EGR2: variants seen among roughly 807,000 people sequenced by gnomAD.
EGR2 encodes E3 SUMO-protein ligase EGR2.
In EGR2, 2 loss-of-function variants were observed where a neutral mutation model predicts 21.2. The ratio of observed to expected loss-of-function variants is 0.09; its 90% confidence interval spans 0.04 to 0.30. The LOEUF (loss-of-function observed/expected upper bound fraction) is 0.30. Ranked by LOEUF, EGR2 falls within the 10% of genes least tolerant of loss-of-function variation. EGR2 has a pLI of 1.00. For missense variants in EGR2, 458 were observed against 630.2 expected (o/e 0.73, Z 2.93); for synonymous variants, 282 against 258.2 (o/e 1.09, Z -0.88).
upstream of EGR2, chr10:62,818,431 C>T: frequency 2.8e-6 from 1 of 362,432 alleles, no homozygotes; most frequent in South Asian, 4.8e-5. Flanking sequence ...GAAATCGCAG[C>T]AAGGTTAGCA....
At position 62,815,915 on chromosome 10, in the gene EGR2, A is replaced by G. The variant is rs369477396; in HGVS notation, c.115T>C (p.Phe39Leu). 1.9e-6 allele frequency: 3 copies of G among 1,614,194 alleles called. No homozygotes were observed. The highest frequency in any genetic ancestry group is 2.5e-6 in the Non-Finnish European group (3 of 1,180,002). ...EDLAATSVTI[F>L]PNAELGGPFD... ...GGGCCTCCCAGTTCGGCATTGGGAAAGATGGTCACCGACGTGGCGGCGAGG... is the reference window on the plus strand; with the variant it reads ...GGGCCTCCCAGTTCGGCATTGGGAAGGATGGTCACCGACGTGGCGGCGAGG... The change falls in exon 1 of 2, where the codon TTT becomes CTT. Residue 39 changes from phenylalanine to leucine, a missense_variant. Transcript: ENST00000242480.
chr10:62,813,075 A>T lies in EGR2; in HGVS notation c.*132T>A. 2 of 1,020,888 alleles carry T rather than the reference A, an allele frequency of 2.0e-6. No homozygotes were observed. The highest frequency in any genetic ancestry group is 2.8e-6 in the Non-Finnish European group (2 of 706,010). The allele number at this position is 1,020,888 out of a possible 1,614,324, so 63.2% of individuals were successfully genotyped here. ...TTCTAGGTGGAAAGGGGGCAGTGCT[A>T]GCTCCACCAAAGCCCTTTGCCCAAC... On this transcript the variant is annotated 3_prime_UTR_variant, in exon 2 of 2. Transcript: ENST00000242480. The surrounding 1 kb of genome is among the most constrained non-coding windows in gnomAD (Gnocchi z 5.7).
At chr10:62,815,312 C>T (rs968100532) in intron 1 of EGR2, among the ~76,000 whole-genome samples, 3 of 152,246 alleles carry the variant, frequency 2.0e-5, no homozygotes, top group Non-Finnish European at 4.4e-5. Context: ...GAGCCCCCGC[C>T]TTACTAACCC....
At chr10:62,815,700 C>T (rs1589082780) in intron 1 of EGR2, among the ~76,000 whole-genome samples, 161 bp downstream of exon 1, 1 of 152,250 alleles carries the variant, frequency 6.6e-6, no homozygotes, top group Admixed American at 6.5e-5. Context: ...TCTCAGCTGT[C>T]GCAGGTTCCT....
In EGR2 at chr10:62,814,575, A is replaced by T. The variant is rs1393291703; in HGVS notation, c.170-107T>A. 10 of 1,128,578 alleles carry T rather than the reference A, an allele frequency of 8.9e-6. No individual in the cohort carries two copies. Among genetic ancestry groups the T allele is most frequent in the Admixed American group, 7.4e-5 (4 of 54,212 alleles). The allele number at this position is 1,128,578 out of a possible 1,614,324, so 69.9% of individuals were successfully genotyped here. A position where few individuals can be genotyped will look rare whatever the true frequency, so the allele number is the denominator to read the frequency against. On this transcript the variant is annotated intron_variant, in intron 1 of 1. Transcript: ENST00000242480. The surrounding 1 kb of genome is among the most constrained non-coding windows in gnomAD (Gnocchi z 4.8). ...CATTTCCAAGGCCGAGAGTCTCAGC[A>T]CTGTAGAGCTGTGGCAAAGTCCAAA...
intron 1 of EGR2, 31 bp downstream of exon 1, chr10:62,815,830 A>G (rs1425842542): frequency 6.2e-7 from 1 of 1,613,140 alleles, no homozygotes; most frequent in East Asian, 2.2e-5. Context: ...CGGGCCGCGC[A>G]GGTCCGGGCC....
At position 62,814,326 on chromosome 10, in the gene EGR2, A is replaced by C. The variant is rs1333339143; in HGVS notation, c.312T>G (p.Gly104=). ...GKFSIDPQYP[G]ASCYPEGIIN... ...TTATGCCTTCTGGGTAGCAGCTGGC[A>C]CCAGGGTACTGAGGGTCAATGGAGA... Residue 104 remains glycine (G), a synonymous_variant, in exon 2 of 2, where the codon GGT becomes GGG. Transcript: ENST00000242480. This position sits in a 1 kb window ranked among gnomAD's most constrained non-coding sequence, Gnocchi z 4.8. 1 of 1,614,150 alleles carries C rather than the reference A, an allele frequency of 6.2e-7. No homozygotes were observed. The highest frequency in any genetic ancestry group is 1.7e-5 in the Admixed American group (1 of 60,026).
Position 62,813,703 on chromosome 10 carries a change from G to C in EGR2, c.935C>G (p.Pro312Arg). 1.9e-6 allele frequency: 3 copies of C among 1,613,106 alleles called. No homozygotes were observed. The highest frequency in any genetic ancestry group is 2.5e-6 in the Non-Finnish European group (3 of 1,179,922). ...AATGGGCCGCAGTGGCAGGTGGTGT[G>C]GGTTATAGGCGGCGGCGGCGGCGGC... ...AAAAAAAAYN[P>R]HHLPLRPILR... The change falls in exon 2 of 2, where the codon CCA becomes CGA. Residue 312 changes from proline to arginine, a missense_variant. Physicochemically the swap from Pro to Arg is moderately radical, Grantham distance 103. This residue lies in a region of EGR2 where 253 missense variants were observed against 315.5 expected (regional missense o/e 0.80). Coordinates refer to ENST00000242480, the MANE Select transcript of EGR2 (RefSeq NM_000399.5). This position sits in a 1 kb window ranked among gnomAD's most constrained non-coding sequence, Gnocchi z 5.7.
rs1842162935 is a variant in EGR2 at position 62,813,378 on chromosome 10, G to A, written c.1260C>T (p.His420=). Residue 420 remains histidine (H), a synonymous_variant, in exon 2 of 2, where the codon CAC becomes CAT. Transcript: ENST00000242480. This position sits in a 1 kb window ranked among gnomAD's most constrained non-coding sequence, Gnocchi z 5.7. ...TGCTTTTCCGCTCTTTCTGTCTCAG[G>A]TGGATCTTGGTGTGGCGCTTCCTCT... ...SDERKRHTKI[H]LRQKERKSSA... 1.2e-6 allele frequency: 2 copies of A among 1,610,832 alleles called. No homozygotes were observed. The highest frequency in any genetic ancestry group is 1.7e-6 in the Non-Finnish European group (2 of 1,177,396).
In EGR2 at chr10:62,813,660, G is replaced by A. The variant is rs1322557260; in HGVS notation, c.978C>T (p.Tyr326=). 6 of 1,613,222 alleles carry A rather than the reference G, an allele frequency of 3.7e-6. No homozygotes were observed. Among genetic ancestry groups the A allele is most frequent in the Admixed American group, 1.7e-5 (1 of 60,014 alleles). The change falls in exon 2 of 2, where the codon TAC becomes TAT. Residue 326 remains tyrosine, a synonymous_variant. Transcript: ENST00000242480. This position sits in a 1 kb window ranked among gnomAD's most constrained non-coding sequence, Gnocchi z 5.7. ...CCGGCGTCTTGCTGGGTCTGTTGGG[G>A]TACTTGCGAGGCCTCAGAATGGGCC... ...PLRPILRPRK[Y]PNRPSKTPVH... is the part of the protein sequence containing the mutation.
Position 62,813,968 on chromosome 10 carries a change from G to T in EGR2, c.670C>A (p.Pro224Thr), listed in dbSNP as rs758869303. Residue 224 changes from proline (P) to threonine (T), a missense_variant, in exon 2 of 2, where the codon CCA (proline) becomes ACA (threonine). Coordinates refer to ENST00000242480, the MANE Select transcript of EGR2 (RefSeq NM_000399.5). This position sits in a 1 kb window ranked among gnomAD's most constrained non-coding sequence, Gnocchi z 5.7. ...ATDPGLFPMI[P>T]DYPGFFPSQC... The stretch of plus-strand genomic sequence containing the variant: ...GATGGAAAGAATCCAGGATAGTCTG[G>T]GATCATTGGGAAGAGACCTGGGTCC... 3.6e-5 allele frequency: 58 copies of T among 1,614,092 alleles called. No individual in the cohort carries two copies. The highest frequency in any genetic ancestry group is 4.5e-5 in the Non-Finnish European group (53 of 1,180,048).
Position 62,813,710 on chromosome 10 carries a change from AGGC to A in EGR2, c.925_927del (p.Ala309del), listed in dbSNP as rs753747037. On this transcript the variant is annotated inframe_deletion, in exon 2 of 2. Coordinates refer to ENST00000242480, the MANE Select transcript of EGR2 (RefSeq NM_000399.5). This position sits in a 1 kb window ranked among gnomAD's most constrained non-coding sequence, Gnocchi z 5.7. ...CGCAGTGGCAGGTGGTGTGGGTTAT[AGGC>A]GGCGGCGGCGGCGGCTGCTGCTGCT... The A allele has an allele frequency of 6.1e-5, 98 of 1,611,336 alleles. No homozygotes were observed. Among genetic ancestry groups the A allele is most frequent in the African/African-American group, 1.3e-4 (10 of 74,868 alleles).
upstream of EGR2, chr10:62,819,087 G>A (rs1041597277): frequency 1.3e-5 from 2 of 152,448 alleles, no homozygotes; most frequent in African/African-American, 4.8e-5. Context: ...GCACATTAGA[G>A]TAAATGAGAG....
In EGR2 at chr10:62,813,938, A is replaced by C. The variant is rs763792577; in HGVS notation, c.700T>G (p.Cys234Gly). The C allele has an allele frequency of 6.2e-7, 1 of 1,614,166 alleles. No homozygotes were observed. Among genetic ancestry groups the C allele is most frequent in the East Asian group, 2.2e-5 (1 of 44,872 alleles). Reference protein sequence around the residue: ...PDYPGFFPSQCQRDLHGTAGP... With the variant: ...PDYPGFFPSQGQRDLHGTAGP... ...GCTGTACCATGTAGGTCTCTCTGGC[A>C]CTGAGATGGAAAGAATCCAGGATAG... Residue 234 changes from cysteine (C) to glycine (G), a missense_variant, in exon 2 of 2, where the codon TGC becomes GGC. Physicochemically the swap from Cys to Gly is radical, Grantham distance 159. Around this residue, in one of 5 missense-constraint regions of EGR2, gnomAD observed 253 missense variants for 315.5 expected, o/e 0.80. Transcript: ENST00000242480. The surrounding 1 kb of genome is among the most constrained non-coding windows in gnomAD (Gnocchi z 5.7).
In EGR2 at chr10:62,814,122, A is replaced by T; in HGVS notation, c.516T>A (p.Pro172=). The change falls in exon 2 of 2, where the codon CCT becomes CCA. Residue 172 remains proline, a synonymous_variant. Coordinates refer to ENST00000242480, the MANE Select transcript of EGR2 (RefSeq NM_000399.5). The surrounding 1 kb of genome is among the most constrained non-coding windows in gnomAD (Gnocchi z 4.8). ...GGTCTCCTGCACAGCCAGAATAAGG[A>T]GGAGGAGGCGGTGGCGGAGAGTACA... ...DHLYSPPPPP[P]PYSGCAGDLY... 1 of 1,613,752 alleles carries T rather than the reference A, an allele frequency of 6.2e-7. No individual in the cohort carries two copies. The highest frequency in any genetic ancestry group is 8.5e-7 in the Non-Finnish European group (1 of 1,179,800).
At position 62,814,278 on chromosome 10, in the gene EGR2, G is replaced by A. The variant is rs1406117779; in HGVS notation, c.360C>T (p.Ile120=). The change falls in exon 2 of 2, where the codon ATC becomes ATT. Residue 120 remains isoleucine (I), a synonymous_variant. Transcript: ENST00000242480. The surrounding 1 kb of genome is among the most constrained non-coding windows in gnomAD (Gnocchi z 4.8). ...AAGCTGGGGAAGTGACCCCTTGCAA[G>A]ATGCCTGCACTCACAATATTGATTA... ...EGIINIVSAG[I]LQGVTSPAST... 4 of 1,614,032 alleles carry A rather than the reference G, an allele frequency of 2.5e-6. No individual in the cohort carries two copies. Among genetic ancestry groups the A allele is most frequent in the African/African-American group, 2.7e-5 (2 of 74,886 alleles).
rs1224261401 is a variant in EGR2, at chr10:62,813,926, G to A, written c.712C>T (p.Leu238=). The change falls in exon 2 of 2, where the codon CTA becomes TTA. Residue 238 remains leucine (L), a synonymous_variant. Transcript: ENST00000242480. The surrounding 1 kb of genome is among the most constrained non-coding windows in gnomAD (Gnocchi z 5.7). The part of the protein sequence containing the change: ...GFFPSQCQRD[L]HGTAGPDRKP... ...CGGTCTGGGCCAGCTGTACCATGTA[G>A]GTCTCTCTGGCACTGAGATGGAAAG... 1 of 1,614,094 alleles carries A rather than the reference G, an allele frequency of 6.2e-7. No homozygotes were observed. Among genetic ancestry groups the A allele is most frequent in the Non-Finnish European group, 8.5e-7 (1 of 1,180,048 alleles).
chr10:62,812,752 A>G lies in EGR2; in HGVS notation c.*455T>C, dbSNP rs1842142451. 1 of 158,274 alleles carries G rather than the reference A, an allele frequency of 6.3e-6. No homozygotes were observed. Among genetic ancestry groups the G allele is most frequent in the Non-Finnish European group, 1.4e-5 (1 of 71,704 alleles). 9.8% of individuals were successfully genotyped at this position (158,274 alleles called of 1,614,324 possible). On this transcript the variant is annotated 3_prime_UTR_variant, in exon 2 of 2. Coordinates refer to ENST00000242480, the MANE Select transcript of EGR2 (RefSeq NM_000399.5). The stretch of plus-strand genomic sequence containing the variant: ...ATCAGTCCCAAGCCATAAAGTGCAC[A>G]TCAGTTTTGCTTGTCTTTTTGCTGT...
At chr10:62,815,757 C>G in intron 1 of EGR2, 104 bp downstream of exon 1, 1 of 1,410,738 alleles carries the variant, frequency 7.1e-7, no homozygotes, top group South Asian at 1.2e-5. Context: ...CAGCACCGTC[C>G]ACCTGGAGCC....
Sources: allele counts gnomAD v4.1 joint callset (sites outside exome capture counted in the v4.1 genomes callset), GRCh38; gene constraint gnomAD v4.1.1; regional missense constraint gnomAD v4.1.1; non-coding constraint Gnocchi (gnomAD v3.1); transcripts MANE v1.5; gene names NCBI Gene and HGNC (gene_info 2026-07-23, HGNC 2026-07-21).